Variants in TSPAN5 observed in about 807,000 individuals in gnomAD.
The protein encoded by TSPAN5 is tetraspanin-5.
A neutral mutation model predicts 37.1 loss-of-function variants in TSPAN5; 10 were observed. That is an observed-to-expected ratio of 0.27 (90% CI 0.17 to 0.46). TSPAN5 has a LOEUF of 0.46. Ranked by LOEUF, TSPAN5 falls within the 20% of genes least tolerant of loss-of-function variation. The pLI is 1.00. For missense variants in TSPAN5, 195 were observed against 326.6 expected (o/e 0.60, Z 3.11); for synonymous variants, 110 against 118.9 (o/e 0.93, Z 0.48).
chr4:98,534,482 T>G (rs1267561934), intron 1 of TSPAN5, among the ~76,000 whole-genome samples: 1 of 152,222 alleles, frequency 6.6e-6, no homozygotes, highest in Non-Finnish European at 1.5e-5. Context: ...CTGAGAAGAA[T>G]GTATATTCTG....
At chr4:98,604,237 C>T (rs961726923) in intron 1 of TSPAN5, among the ~76,000 whole-genome samples, 1 of 152,176 alleles carries the variant, frequency 6.6e-6, no homozygotes, top group African/African-American at 2.4e-5. Flanking sequence ...TTCCCCATCA[C>T]CAATCACCCA....
At chr4:98,558,322 T>C (rs1021588142) in intron 1 of TSPAN5, among the ~76,000 whole-genome samples, 1 of 152,156 alleles carries the variant, frequency 6.6e-6, no homozygotes, top group Non-Finnish European at 1.5e-5. Context: ...AAATGGAAAC[T>C]GTACTATCTT....
chr4:98,486,415 A>G lies in TSPAN5; in HGVS notation c.279+323T>C, dbSNP rs536266824. On this transcript the variant is annotated intron_variant, in intron 3 of 7. Transcript: ENST00000305798. ...TTACTATGTGCATTAAAACGGTGGG[A>G]AGGAATCACTTAGAAGAAAATATAT... 1.2e-4 allele frequency: 26 copies of G among 219,458 alleles called. No individual in the cohort carries two copies. In the East Asian group the frequency reaches 3.2e-3, roughly 27 times the overall value. The allele number at this position is 219,458 out of a possible 1,614,324, so 13.6% of individuals were successfully genotyped here. A position where few individuals can be genotyped will look rare whatever the true frequency, so the allele number is the denominator to read the frequency against.
At chr4:98,498,938 G>A (rs1013398102) in intron 2 of TSPAN5, among the ~76,000 whole-genome samples, 2 of 152,174 alleles carry the variant, frequency 1.3e-5, no homozygotes, top group African/African-American at 4.8e-5. Flanking sequence ...AAAACACGGG[G>A]ACAGCACGGA....
intron 1 of TSPAN5, among the ~76,000 whole-genome samples, chr4:98,558,615 C>G (rs980201846): frequency 6.6e-6 from 1 of 152,098 alleles, no homozygotes; most frequent in Non-Finnish European, 1.5e-5. Flanking sequence ...TTCCAAAGTG[C>G]CTTGAAAGCT....
chr4:98,607,918 C>T (rs577161331), intron 1 of TSPAN5, among the ~76,000 whole-genome samples: 2 of 152,128 alleles, frequency 1.3e-5, no homozygotes, highest in South Asian at 2.1e-4. Context: ...ACCATATTGC[C>T]CAGGCTGGTC....
intron 1 of TSPAN5, among the ~76,000 whole-genome samples, chr4:98,647,059 G>A (rs1757084862): frequency 6.6e-6 from 1 of 152,150 alleles, no homozygotes; most frequent in Non-Finnish European, 1.5e-5. Flanking sequence ...TAAAAATCCA[G>A]ACACACTCAA....
At chr4:98,558,352 T>C (rs1368110220) in intron 1 of TSPAN5, among the ~76,000 whole-genome samples, 1 of 152,192 alleles carries the variant, frequency 6.6e-6, no homozygotes, top group Non-Finnish European at 1.5e-5. Flanking sequence ...CCTGTAAATA[T>C]AAAACTCTTC....
At chr4:98,551,492 C>CTTTTTTTTTTTTTTTT (rs35415457) in intron 1 of TSPAN5, among the ~76,000 whole-genome samples, 14 of 92,226 alleles carry the variant, frequency 1.5e-4, no homozygotes, top group African/African-American at 2.5e-4. Flanking sequence ...TTTTTCTTTT[C>CTTTTTTTTTTTTTTTT]TTTTTTTTTT....
At chr4:98,636,575 A>G (rs1756860206) in intron 1 of TSPAN5, among the ~76,000 whole-genome samples, 4 of 152,146 alleles carry the variant, frequency 2.6e-5, no homozygotes, top group Admixed American at 2.6e-4. Context: ...GTGAGAAATT[A>G]CTCATAGAGG....
At chr4:98,513,760 C>G (rs1170281996) in intron 1 of TSPAN5, among the ~76,000 whole-genome samples, 1 of 151,874 alleles carries the variant, frequency 6.6e-6, no homozygotes, top group Non-Finnish European at 1.5e-5. Flanking sequence ...TATCTGAATT[C>G]TCTTTGAAAT....
intron 1 of TSPAN5, among the ~76,000 whole-genome samples, chr4:98,542,149 G>T (rs1754373202): frequency 6.6e-6 from 1 of 152,114 alleles, no homozygotes. Flanking sequence ...CTGTGAAGAT[G>T]AAATGAGTCA....
intron 1 of TSPAN5, among the ~76,000 whole-genome samples, chr4:98,635,570 C>T (rs561890807): frequency 1.3e-5 from 2 of 152,310 alleles, no homozygotes; most frequent in East Asian, 1.9e-4. Flanking sequence ...TTTAAACCCA[C>T]CTTCGATTTA....
At chr4:98,554,843 G>A (rs1038509044) in intron 1 of TSPAN5, among the ~76,000 whole-genome samples, 2 of 152,192 alleles carry the variant, frequency 1.3e-5, no homozygotes, top group African/African-American at 2.4e-5. Context: ...GAGAGAGTAT[G>A]TGCCAAACAA....
At chr4:98,585,371 G>A (rs933067225) in intron 1 of TSPAN5, among the ~76,000 whole-genome samples, 9 of 151,870 alleles carry the variant, frequency 5.9e-5, no homozygotes, top group African/African-American at 9.7e-5. Flanking sequence ...GTGCAGTGGC[G>A]CAATCTTGGC....
chr4:98,598,117 A>G (rs374644860), intron 1 of TSPAN5, among the ~76,000 whole-genome samples: 33 of 114,612 alleles, frequency 2.9e-4, no homozygotes, highest in Middle Eastern at 3.7e-3. Flanking sequence ...CCTCTGAGCC[A>G]GGTGTGGGAT....
At chr4:98,650,226 C>T (rs774785438) in intron 1 of TSPAN5, among the ~76,000 whole-genome samples, 4 of 152,170 alleles carry the variant, frequency 2.6e-5, no homozygotes, top group Admixed American at 6.5e-5. Flanking sequence ...CGAGGCTCTT[C>T]GCCTTCTCCT....
At chr4:98,525,786 T>A (rs759400918) in intron 1 of TSPAN5, among the ~76,000 whole-genome samples, 8 of 152,198 alleles carry the variant, frequency 5.3e-5, no homozygotes, top group Non-Finnish European at 1.2e-4. Flanking sequence ...AACTTCAACT[T>A]TTGTCTGTAT....
chr4:98,507,138 C>T (rs1204058599), intron 2 of TSPAN5, among the ~76,000 whole-genome samples: 1 of 152,078 alleles, frequency 6.6e-6, no homozygotes, highest in Non-Finnish European at 1.5e-5. Context: ...TAATACTTGC[C>T]ACCAGCAGCC....
Sources: allele counts gnomAD v4.1 joint callset (sites outside exome capture counted in the v4.1 genomes callset), GRCh38; gene constraint gnomAD v4.1.1; transcripts MANE v1.5; gene names NCBI Gene and HGNC (gene_info 2026-07-23, HGNC 2026-07-21).